COL21A1: variants seen among roughly 807,000 people sequenced by gnomAD.
COL21A1 encodes collagen type XXI alpha 1 chain.
A neutral mutation model predicts 137.9 loss-of-function variants in COL21A1; 149 were observed. That is an observed-to-expected ratio of 1.08 (90% CI 0.95 to 1.24). COL21A1 has a LOEUF of 1.24. Among genes scored for constraint, COL21A1 ranks in the 50% most tolerant of loss-of-function variants. COL21A1 has a pLI of 0.00. For synonymous variants in COL21A1, 456 were observed against 391.5 expected (o/e 1.16, Z -1.95); for missense variants, 1,167 against 1,158.4 (o/e 1.01, Z -0.11).
chr6:56,058,488 A>C (rs954474218), intron 29 of COL21A1, among the ~76,000 whole-genome samples: 1 of 152,162 alleles, frequency 6.6e-6, no homozygotes, highest in African/African-American at 2.4e-5. Context: ...GGGAAGGAGC[A>C]CAGTGGTTTG....
chr6:56,213,942 A>T (rs1780334215), intron 1 of COL21A1, among the ~76,000 whole-genome samples: 1 of 152,074 alleles, frequency 6.6e-6, no homozygotes, highest in South Asian at 2.1e-4. Flanking sequence ...CTGGAGGGTG[A>T]CCCAAGTATT....
chr6:56,263,197 A>G (rs1412635709), intron 1 of COL21A1, among the ~76,000 whole-genome samples: 1 of 152,248 alleles, frequency 6.6e-6, no homozygotes, highest in Non-Finnish European at 1.5e-5. Flanking sequence ...TGTTGAATGA[A>G]TGAATTAATA....
chr6:56,090,272 T>A (rs1768676018), intron 17 of COL21A1, among the ~76,000 whole-genome samples: 1 of 151,868 alleles, frequency 6.6e-6, no homozygotes, highest in Admixed American at 6.6e-5. Flanking sequence ...CACAAAAAAA[T>A]GATCAGTGCC....
chr6:56,377,082 A>G (rs376917939), intron 1 of COL21A1, among the ~76,000 whole-genome samples: 4 of 151,728 alleles, frequency 2.6e-5, no homozygotes, highest in African/African-American at 9.7e-5. Context: ...GGTTCAAACA[A>G]TTCTCCTGCC....
intron 1 of COL21A1, among the ~76,000 whole-genome samples, chr6:56,275,039 G>C (rs1301490372): frequency 6.6e-6 from 1 of 152,062 alleles, no homozygotes; most frequent in East Asian, 1.9e-4. Flanking sequence ...GAACAGAATA[G>C]AGAACCCAGA....
chr6:56,094,942 T>C (rs1769186369), intron 17 of COL21A1, among the ~76,000 whole-genome samples: 1 of 152,152 alleles, frequency 6.6e-6, no homozygotes, highest in Non-Finnish European at 1.5e-5. Context: ...TTTAACTTAA[T>C]CATTTCTACA....
intron 12 of COL21A1, among the ~76,000 whole-genome samples, chr6:56,129,699 T>TGTGTGTGTGTGAGA (rs1450514214): frequency 1.7e-4 from 20 of 120,516 alleles, no homozygotes; most frequent in African/African-American, 3.4e-4. Context: ...TGTGTGTGTG[T>TGTGTGTGTGTGAGA]GAGAGAGAGA....
chr6:56,064,447 T>A (rs1223279393), intron 24 of COL21A1, 131 bp downstream of exon 24: 1 of 605,498 alleles, frequency 1.7e-6, no homozygotes, highest in Non-Finnish European at 2.9e-6. Flanking sequence ...ATGTTCAACC[T>A]TATATGCTTA....
intron 1 of COL21A1, among the ~76,000 whole-genome samples, chr6:56,336,103 C>T (rs1477524528): frequency 6.6e-6 from 1 of 152,218 alleles, no homozygotes; most frequent in Non-Finnish European, 1.5e-5. Context: ...TAAATTAACT[C>T]ACTGAAGACC....
intron 12 of COL21A1, among the ~76,000 whole-genome samples, chr6:56,132,582 G>C (rs1315711715): frequency 6.6e-6 from 1 of 152,120 alleles, no homozygotes; most frequent in African/African-American, 2.4e-5. Flanking sequence ...GAAATAAATG[G>C]AGAAAAAAGT....
At chr6:56,324,700 C>G (rs1165869396) in intron 1 of COL21A1, among the ~76,000 whole-genome samples, 2 of 151,988 alleles carry the variant, frequency 1.3e-5, no homozygotes, top group East Asian at 3.9e-4. Flanking sequence ...AATATAATCA[C>G]TTGGACACTC....
At chr6:56,379,458 A>G (rs2094005236) in intron 1 of COL21A1, among the ~76,000 whole-genome samples, 1 of 152,236 alleles carries the variant, frequency 6.6e-6, no homozygotes, top group South Asian at 2.1e-4. Flanking sequence ...TTTTATCATT[A>G]AAGACCCAGG....
At chr6:56,307,232 C>T (rs1162870677) in intron 1 of COL21A1, among the ~76,000 whole-genome samples, 1 of 152,194 alleles carries the variant, frequency 6.6e-6, no homozygotes, top group Non-Finnish European at 1.5e-5. Flanking sequence ...CTGGGAGAAC[C>T]ACTACTCTCT....
At chr6:56,089,646 T>C (rs1263518942) in intron 17 of COL21A1, among the ~76,000 whole-genome samples, 1 of 152,216 alleles carries the variant, frequency 6.6e-6, no homozygotes, top group Non-Finnish European at 1.5e-5. Context: ...TGATATCCTG[T>C]ATACATGGTA....
intron 1 of COL21A1, among the ~76,000 whole-genome samples, chr6:56,391,364 A>G (rs1270383484): frequency 6.6e-6 from 1 of 152,114 alleles, no homozygotes; most frequent in African/African-American, 2.4e-5. Context: ...ACTTCAAACA[A>G]ATAACAATGC....
At chr6:56,186,420 C>T (rs1251248855) in intron 1 of COL21A1, among the ~76,000 whole-genome samples, 2 of 152,158 alleles carry the variant, frequency 1.3e-5, no homozygotes, top group Non-Finnish European at 2.9e-5. Context: ...ATACTAAATT[C>T]TTTCCTTCTT....
At chr6:56,195,539 AC>A (rs1778964926) in intron 1 of COL21A1, among the ~76,000 whole-genome samples, 1 of 152,122 alleles carries the variant, frequency 6.6e-6, no homozygotes, top group Admixed American at 6.6e-5. Context: ...TTGAATAAAT[AC>A]AATTATAATT....
At chr6:56,122,583 A>T (rs894425986) in intron 16 of COL21A1, among the ~76,000 whole-genome samples, 1 of 152,184 alleles carries the variant, frequency 6.6e-6, no homozygotes, top group African/African-American at 2.4e-5. Context: ...ATACACAAAA[A>T]CTATTGAATT....
intron 1 of COL21A1, among the ~76,000 whole-genome samples, chr6:56,339,740 C>T (rs1412159707): frequency 6.6e-6 from 1 of 152,220 alleles, no homozygotes; most frequent in Non-Finnish European, 1.5e-5. Context: ...TGAGTGGAAT[C>T]TAAACCAGCT....
Sources: allele counts gnomAD v4.1 joint callset (sites outside exome capture counted in the v4.1 genomes callset), GRCh38; gene constraint gnomAD v4.1.1; transcripts MANE v1.5; gene names NCBI Gene and HGNC (gene_info 2026-07-23, HGNC 2026-07-21).